Variants in CNPPD1 observed in about 807,000 individuals in gnomAD.
CNPPD1 encodes the protein cyclin Pas1/PHO80 domain containing 1.
In CNPPD1, 40 loss-of-function variants were observed where a neutral mutation model predicts 43.7. That is an observed-to-expected ratio of 0.92 (90% confidence interval 0.71 to 1.19). CNPPD1 has a LOEUF of 1.19. CNPPD1 is among the 50% of genes most tolerant of loss of function. The pLI, the probability that CNPPD1 is intolerant of heterozygous loss-of-function variation, is 0.00. For missense variants in CNPPD1, 511 were observed against 518.5 expected (o/e 0.99, Z 0.14); for synonymous variants, 208 against 214.3 (o/e 0.97, Z 0.26).
intron 5 of CNPPD1, 97 bp downstream of exon 5, chr2:219,174,681 A>C: frequency 1.4e-6 from 2 of 1,479,028 alleles, no homozygotes; most frequent in Non-Finnish European, 1.8e-6. Flanking sequence ...CAGGAAGAGA[A>C]ATGACGAACC....
intron 2 of CNPPD1, 60 bp from the exon 3 acceptor site, chr2:219,175,732 TC>T: frequency 7.2e-7 from 1 of 1,391,150 alleles, no homozygotes; most frequent in South Asian, 1.2e-5. Flanking sequence ...AACACACCAG[TC>T]CCCACTGCTA....
chr2:219,177,114 A>G (rs910402805), upstream of CNPPD1: 11 of 360,174 alleles, frequency 3.1e-5, no homozygotes, highest in African/African-American at 1.9e-4. Flanking sequence ...CTCGCGGAGC[A>G]GAAAGGAGAT....
At chr2:219,174,722 A>C in intron 5 of CNPPD1, 56 bp downstream of exon 5, 1 of 1,528,566 alleles carries the variant, frequency 6.5e-7, no homozygotes, top group Non-Finnish European at 8.8e-7. Context: ...CAAAGGACTA[A>C]AGGACGGTTA....
Position 219,176,089 on chromosome 2 carries a change from C to T in CNPPD1, c.178+134G>A, listed in dbSNP as rs1950153894. ...AAAAGAATGGGAAATGCAAACTGCC[C>T]TCTTGAACCAAGTACCAACGAGCTA... On this transcript the variant is annotated intron_variant, in intron 2 of 7. Coordinates refer to ENST00000360507, the MANE Select transcript of CNPPD1 (RefSeq NM_015680.6). 6.0e-6 allele frequency: 4 copies of T among 668,816 alleles called. No homozygotes were observed. The South Asian group carries it at 7.1e-5, about 12-fold the overall frequency. The allele number at this position is 668,816 out of a possible 1,614,324, so 41.4% of individuals were successfully genotyped here.
chr2:219,175,505 A>AAAG, intron 3 of CNPPD1, 86 bp downstream of exon 3: 2 of 1,318,532 alleles, frequency 1.5e-6, no homozygotes, highest in Non-Finnish European at 2.1e-6. Flanking sequence ...AAAAAAAAAA[A>AAAG]AAAGAAAGAA....
At position 219,172,610 on chromosome 2, in the gene CNPPD1, G is replaced by C; in HGVS notation, c.1209C>G (p.Leu403=). The C allele has an allele frequency of 6.2e-7, 1 of 1,614,184 alleles. No individual in the cohort carries two copies. Reference sequence around the variant, plus strand: ...CCTAGCCTGGGAAAACGAAAGACTTGAGGCGAGCCAGCTCCATGACACTGA... The same window carrying C: ...CCTAGCCTGGGAAAACGAAAGACTTCAGGCGAGCCAGCTCCATGACACTGA... ...SLFSVMELAR[L]KSFVFPG is the part of the protein sequence containing the mutation. Residue 403 remains leucine, a synonymous_variant, in exon 8 of 8, where the codon CTC becomes CTG. Coordinates refer to ENST00000360507, the MANE Select transcript of CNPPD1 (RefSeq NM_015680.6).
chr2:219,176,515 G>GC, intron 1 of CNPPD1, 184 bp from the exon 2 acceptor site: 1 of 624,896 alleles, frequency 1.6e-6, no homozygotes, highest in South Asian at 1.9e-5. Context: ...AGGGAGGAAT[G>GC]CCCCCACCCC....
intron 1 of CNPPD1, 71 bp downstream of exon 1, chr2:219,176,689 G>A (rs1304503209): frequency 7.1e-5 from 85 of 1,194,368 alleles, no homozygotes; most frequent in Non-Finnish European, 9.6e-5. Flanking sequence ...GCAGTCAGGC[G>A]AGCTCGCAGC....
Position 219,176,780 on chromosome 2 carries a change from CGAGG to C in CNPPD1, c.45_48del (p.Leu16ProfsTer15), listed in dbSNP as rs1559217141. The C allele has an allele frequency of 1.3e-6, 2 of 1,583,058 alleles. No individual in the cohort carries two copies. The highest frequency in any genetic ancestry group is 1.7e-6 in the Non-Finnish European group (2 of 1,165,302). ...CTCACCGTGAAGTCCTGGAAGCCGG[CGAGG>C]GAGAAGGTGCCTTCTTCGTCCAGCA... is the stretch of plus-strand genomic sequence containing the variant. On this transcript the variant is annotated frameshift_variant, in exon 1 of 8. Transcript: ENST00000360507. LOFTEE classifies it high-confidence loss of function.
At chr2:219,174,506 C>G (rs569358970) in intron 5 of CNPPD1, among the ~76,000 whole-genome samples, 1 of 152,240 alleles carries the variant, frequency 6.6e-6, no homozygotes, top group South Asian at 2.1e-4. Flanking sequence ...ATTCAGAACC[C>G]AATAGGATAA....
chr2:219,176,945 C>T, upstream of CNPPD1: 1 of 817,194 alleles, frequency 1.2e-6, no homozygotes, highest in Non-Finnish European at 1.9e-6. Flanking sequence ...GGGCGGGCCG[C>T]CGTCCTCGCC....
At position 219,173,115 on chromosome 2, in the gene CNPPD1, A is replaced by C. The variant is rs1393364244; in HGVS notation, c.704T>G (p.Leu235Ter). ...CACACTGCTCACATATGCCACAGCT[A>C]ACAGGCAAGACAGCTGCAGGAGAGG... ...CQRLVKLSCL[L>*]AVAYVSSVAL... The change falls in exon 8 of 8, where the codon TTA (leucine) becomes TGA (stop). Residue 235 changes from leucine (L) to a stop codon, truncating the protein, a stop_gained. Coordinates refer to ENST00000360507, the MANE Select transcript of CNPPD1 (RefSeq NM_015680.6). LOFTEE classifies it high-confidence loss of function. 1.9e-6 allele frequency: 3 copies of C among 1,584,428 alleles called. No homozygotes were observed. Among genetic ancestry groups the C allele is most frequent in the African/African-American group, 2.7e-5 (2 of 74,320 alleles).
chr2:219,176,502 T>C (rs111695060), intron 1 of CNPPD1, 171 bp from the exon 2 acceptor site: 1 of 141,846 alleles, frequency 7.0e-6, no homozygotes, highest in South Asian at 1.1e-4. Flanking sequence ...GCCTGGTCCA[T>C]AGAGGGAGGA....
In CNPPD1 at chr2:219,176,760, C is replaced by A. The variant is rs756736927; in HGVS notation, c.69G>T (p.Thr23=). The part of the protein sequence containing the change: ...TFSLAGFQDF[T]FLPGHQKLSA... Reference sequence around the variant, plus strand: ...GGGAGGGGGCGGGACCCCCACTCACCGTGAAGTCCTGGAAGCCGGCGAGGG... The same window carrying A: ...GGGAGGGGGCGGGACCCCCACTCACAGTGAAGTCCTGGAAGCCGGCGAGGG... Residue 23 remains threonine, a splice_region_variant and synonymous_variant, in exon 1 of 8, where the codon ACG becomes ACT. Coordinates refer to ENST00000360507, the MANE Select transcript of CNPPD1 (RefSeq NM_015680.6). The A allele has an allele frequency of 6.4e-7, 1 of 1,574,722 alleles. No individual in the cohort carries two copies. The highest frequency in any genetic ancestry group is 8.6e-7 in the Non-Finnish European group (1 of 1,160,708).
In CNPPD1 at chr2:219,176,794, C is replaced by A; in HGVS notation, c.35G>T (p.Gly12Val). 1 of 1,584,656 alleles carries A rather than the reference C, an allele frequency of 6.3e-7. No homozygotes were observed. Reference protein sequence around the residue: ...DLTGLLLDEEGTFSLAGFQDF... With the variant: ...DLTGLLLDEEVTFSLAGFQDF... ...CTGGAAGCCGGCGAGGGAGAAGGTG[C>A]CTTCTTCGTCCAGCAGGAGCCCGGT... Residue 12 changes from glycine (G) to valine (V), a missense_variant, in exon 1 of 8, where the codon GGC (glycine) becomes GTC (valine). Gly to Val is a moderately radical substitution (Grantham distance 109). Coordinates refer to ENST00000360507, the MANE Select transcript of CNPPD1 (RefSeq NM_015680.6).
chr2:219,176,446 C>T, intron 1 of CNPPD1, 115 bp from the exon 2 acceptor site: 1 of 794,922 alleles, frequency 1.3e-6, no homozygotes, highest in Non-Finnish European at 2.1e-6. Context: ...CTAGGGGGCC[C>T]GTGCCTTACC....
At position 219,172,686 on chromosome 2, in the gene CNPPD1, G is replaced by T; in HGVS notation, c.1133C>A (p.Pro378His). ...AAGTGAAAGGAGCACCGGGCTCCAA[G>T]GCCAGGGGGGAGCCAGGCCATAGGT... ...YHTYGLAPPW[P>H]WSPVLLSLPQ... Residue 378 changes from proline to histidine, a missense_variant, in exon 8 of 8, where the codon CCT becomes CAT. Pro to His is a moderately conservative substitution (Grantham distance 77). Coordinates refer to ENST00000360507, the MANE Select transcript of CNPPD1 (RefSeq NM_015680.6). The T allele has an allele frequency of 6.2e-7, 1 of 1,614,064 alleles. No individual in the cohort carries two copies. Among genetic ancestry groups the T allele is most frequent in the South Asian group, 1.1e-5 (1 of 91,092 alleles).
Position 219,174,783 on chromosome 2 carries a change from C to T in CNPPD1, c.505G>A (p.Ala169Thr). ...GAGAGAGAACAGCTGCTCACCATGG[C>T]ACTCAGGAAGCCCCTCTCCAAGGCA... is the stretch of plus-strand genomic sequence containing the variant. ...LNALERGFLS[A>T]MDWHLYTDPR... is the part of the protein sequence containing the mutation. The change falls in exon 5 of 8, where the codon GCC (alanine) becomes ACC (threonine). Residue 169 changes from alanine to threonine, a missense_variant. Coordinates refer to ENST00000360507, the MANE Select transcript of CNPPD1 (RefSeq NM_015680.6). 6.3e-7 allele frequency: 1 copy of T among 1,598,680 alleles called. No individual in the cohort carries two copies.
chr2:219,174,687 G>A (rs984434223), intron 5 of CNPPD1, 91 bp downstream of exon 5: 204 of 1,487,620 alleles, frequency 1.4e-4, no homozygotes, highest in Admixed American at 2.5e-4. Context: ...GAGAAATGAC[G>A]AACCAACAGA....
Sources: gnomAD v4.1 joint callset for allele counts (sites outside exome capture counted in the v4.1 genomes callset) on GRCh38, gnomAD v4.1.1 for gene constraint, MANE v1.5 for transcripts, NCBI Gene and HGNC (gene_info 2026-07-23, HGNC 2026-07-21) for gene names.